The following GBE1 variants were observed in gnomAD, a reference collection of about 807,000 sequenced individuals.
GBE1 encodes 1,4-alpha-glucan-branching enzyme.
GBE1 carries 70 observed loss-of-function variants against 88.8 expected under a neutral mutation model. That is an observed-to-expected ratio of 0.79 (90% confidence interval 0.65 to 0.96). The LOEUF is 0.96. GBE1 is among the 40% of genes least tolerant of loss of function. The probability of loss-of-function intolerance (pLI) is 0.00; values close to 1 mark genes in which losing one functional copy is unlikely to be tolerated. For synonymous variants in GBE1, 284 were observed against 300.1 expected (o/e 0.95, Z 0.56); for missense variants, 872 against 871.0 (o/e 1.00, Z -0.01).
chr3:81,761,374 C>T lies in GBE1; in HGVS notation c.143+1G>A, dbSNP rs397515343. The T allele has an allele frequency of 6.2e-7, 1 of 1,605,686 alleles. No homozygotes were observed. The highest frequency in any genetic ancestry group is 8.5e-7 in the Non-Finnish European group (1 of 1,174,304). On this transcript the variant is annotated splice_donor_variant, in intron 1 of 15. Transcript: ENST00000429644. LOFTEE classifies it high-confidence loss of function. Reference sequence around the variant, plus strand: ...TGGGGGTGGTGGGATTCCGGCGGTACCTGCGCTGGAAGTCCACGGCGTAGG... The same window carrying T: ...TGGGGGTGGTGGGATTCCGGCGGTATCTGCGCTGGAAGTCCACGGCGTAGG...
rs757742488 is a variant in GBE1 at position 81,722,894 on chromosome 3, G to GTATATATATATA, written c.144-17282_144-17281insTATATATATATA. Among the ~76,000 whole-genome samples, 329 of 134,978 alleles carry GTATATATATATA rather than the reference G, an allele frequency of 2.4e-3. 6 individuals are homozygous for GTATATATATATA. In the East Asian group the frequency reaches 0.04, roughly 16 times the overall value. 88.6% of individuals were successfully genotyped at this position (134,978 alleles called of 152,430 possible). ...GGCACACACACGTGTGTGTGTGTGTGTGTATATATATATATATATATACAC... is the reference window on the plus strand; with the variant it reads ...GGCACACACACGTGTGTGTGTGTGTGTATATATATATATGTATATATATATATATATATACAC... On this transcript the variant is annotated intron_variant, in intron 1 of 15. Transcript: ENST00000429644.
At chr3:81,625,426 T>C (rs931264495) in intron 7 of GBE1, among the ~76,000 whole-genome samples, 2 of 151,806 alleles carry the variant, frequency 1.3e-5, no homozygotes, top group African/African-American at 4.8e-5. Context: ...TAAGTACCAA[T>C]AAAAAATAAA....
intron 1 of GBE1, among the ~76,000 whole-genome samples, chr3:81,725,775 A>C (rs1706102934): frequency 6.6e-6 from 1 of 152,176 alleles, no homozygotes; most frequent in African/African-American, 2.4e-5. Flanking sequence ...GCTTCATTAT[A>C]ATCTTATGGA....
chr3:81,638,265 A>AT (rs1358726236), intron 7 of GBE1, among the ~76,000 whole-genome samples: 1 of 152,162 alleles, frequency 6.6e-6, no homozygotes, highest in African/African-American at 2.4e-5. Flanking sequence ...CTGATGAAAT[A>AT]TAACTATATT....
chr3:81,743,038 A>G (rs1319924358), intron 1 of GBE1, among the ~76,000 whole-genome samples: 2 of 152,118 alleles, frequency 1.3e-5, no homozygotes, highest in Non-Finnish European at 2.9e-5. Flanking sequence ...CTGAGTACAA[A>G]TCTCTATTCT....
Position 81,649,793 on chromosome 3 carries a change from C to T in GBE1, c.555+3G>A, listed in dbSNP as rs1318964489. The T allele has an allele frequency of 1.1e-5, 18 of 1,591,566 alleles. No homozygotes were observed. The highest frequency in any genetic ancestry group is 7.0e-5 in the South Asian group (6 of 86,226). ...AATTTATTTAAAGATTTGTTGTTCT[C>T]ACCTCATATGAGTGTTCTGGATCCC... On this transcript the variant is annotated splice_donor_region_variant and intron_variant, in intron 4 of 15. Transcript: ENST00000429644.
intron 3 of GBE1, among the ~76,000 whole-genome samples, chr3:81,664,895 T>C (rs1449979024): frequency 6.6e-6 from 1 of 152,158 alleles, no homozygotes; most frequent in African/African-American, 2.4e-5. Context: ...TTGTTTAATA[T>C]AAGTATGCAA....
At chr3:81,721,907 A>T (rs1160187190) in intron 1 of GBE1, among the ~76,000 whole-genome samples, 1 of 152,196 alleles carries the variant, frequency 6.6e-6, no homozygotes, top group Non-Finnish European at 1.5e-5. Context: ...TATGTTAAAA[A>T]TTCTGTACTT....
chr3:81,492,381 A>G (rs1280655206), intron 15 of GBE1, among the ~76,000 whole-genome samples: 1 of 152,182 alleles, frequency 6.6e-6, no homozygotes, highest in Non-Finnish European at 1.5e-5. Flanking sequence ...ATAAAGCAGG[A>G]CTATTACCAA....
chr3:81,556,736 C>T (rs993005792), intron 12 of GBE1, among the ~76,000 whole-genome samples: 4 of 152,008 alleles, frequency 2.6e-5, no homozygotes, highest in Admixed American at 1.3e-4. Context: ...TGCAGTTTTA[C>T]GCTTTCTAAT....
intron 9 of GBE1, among the ~76,000 whole-genome samples, chr3:81,586,856 T>C (rs995603220): frequency 3.3e-5 from 5 of 152,024 alleles, no homozygotes; most frequent in African/African-American, 1.2e-4. Context: ...TGGCATGATA[T>C]CAGCTCACTG....
chr3:81,552,984 A>C (rs560004918), intron 12 of GBE1, among the ~76,000 whole-genome samples: 2 of 152,322 alleles, frequency 1.3e-5, no homozygotes, highest in South Asian at 4.1e-4. Context: ...TTATACAGGT[A>C]TGAAGTATCA....
At chr3:81,706,141 A>G (rs1705773020) in intron 1 of GBE1, among the ~76,000 whole-genome samples, 1 of 152,174 alleles carries the variant, frequency 6.6e-6, no homozygotes, top group Non-Finnish European at 1.5e-5. Context: ...GAAAGGGGCC[A>G]TGGACAAAAA....
intron 2 of GBE1, among the ~76,000 whole-genome samples, chr3:81,683,103 AGCTAAAG>A (rs1705375081): frequency 6.6e-6 from 1 of 152,228 alleles, no homozygotes; most frequent in African/African-American, 2.4e-5. Flanking sequence ...GTAGGATGAT[AGCTAAAG>A]GGTATGGCAT....
At chr3:81,601,988 T>C (rs1410898133) in intron 7 of GBE1, among the ~76,000 whole-genome samples, 1 of 152,120 alleles carries the variant, frequency 6.6e-6, no homozygotes, top group Non-Finnish European at 1.5e-5. Flanking sequence ...AACAGACATT[T>C]TACAACTACT....
At chr3:81,535,806 G>T (rs1043225230) in intron 13 of GBE1, among the ~76,000 whole-genome samples, 37 of 151,938 alleles carry the variant, frequency 2.4e-4, no homozygotes, top group African/African-American at 7.7e-4. Context: ...ACCCAACTTT[G>T]TCAGATTCAA....
At chr3:81,515,302 G>C (rs1016470015) in intron 14 of GBE1, among the ~76,000 whole-genome samples, 1 of 151,238 alleles carries the variant, frequency 6.6e-6, no homozygotes, top group East Asian at 1.9e-4. Flanking sequence ...ATTAATATAT[G>C]ATTGTCTATT....
At chr3:81,604,348 C>T (rs1704075921) in intron 7 of GBE1, among the ~76,000 whole-genome samples, 1 of 140,632 alleles carries the variant, frequency 7.1e-6, no homozygotes, top group Non-Finnish European at 1.5e-5. Context: ...TATGCAGTGG[C>T]ACCATCTCAT....
intron 1 of GBE1, among the ~76,000 whole-genome samples, chr3:81,709,381 T>C (rs1705822833): frequency 6.6e-6 from 1 of 150,648 alleles, no homozygotes; most frequent in Non-Finnish European, 1.5e-5. Flanking sequence ...GAAATGCTAA[T>C]CCATATTAAG....
Sources: gnomAD v4.1 joint callset for allele counts (sites outside exome capture counted in the v4.1 genomes callset) on GRCh38, gnomAD v4.1.1 for gene constraint, MANE v1.5 for transcripts, NCBI Gene and HGNC (gene_info 2026-07-23, HGNC 2026-07-21) for gene names.